Variants in PGAP1 observed in about 807,000 individuals in gnomAD.
PGAP1 encodes GPI inositol-deacylase.
Under a neutral mutation model 127.0 loss-of-function variants are expected in PGAP1, and 76 were observed. The observed-to-expected ratio is 0.60, with a 90% CI of 0.50 to 0.72. The LOEUF (loss-of-function observed/expected upper bound fraction) is 0.72, where lower values mean the gene tolerates loss of function less well. Among genes scored for constraint, PGAP1 ranks in the 30% least tolerant of loss-of-function variants. The pLI is 0.00. For missense variants in PGAP1, 982 were observed against 1,071.3 expected (o/e 0.92, Z 1.16); for synonymous variants, 362 against 366.5 (o/e 0.99, Z 0.14).
intron 14 of PGAP1, among the ~76,000 whole-genome samples, chr2:196,875,022 G>A (rs555881108): frequency 3.3e-5 from 5 of 151,972 alleles, no homozygotes; most frequent in Admixed American, 6.6e-5. Context: ...TTCCCCACTC[G>A]CCCCACAAAA....
At chr2:196,876,608 T>A (rs1701578084) in intron 13 of PGAP1, among the ~76,000 whole-genome samples, 1 of 152,140 alleles carries the variant, frequency 6.6e-6, no homozygotes, top group Non-Finnish European at 1.5e-5. Flanking sequence ...CATATTATTT[T>A]GATCTACGGA....
chr2:196,892,095 C>A (rs571566164), intron 9 of PGAP1, among the ~76,000 whole-genome samples: 86 of 151,848 alleles, frequency 5.7e-4, no homozygotes, highest in Non-Finnish European at 9.9e-4. Context: ...AGGAATAAGA[C>A]ATTAATCAAT....
In PGAP1 at chr2:196,926,530, G is replaced by A. The variant is rs1703366538; in HGVS notation, c.87C>T (p.Phe29=). The part of the protein sequence containing the change: ...FLATLGLWDV[F]FGFEENKCSM... ...TGCACTTATTCTCCTCGAAGCCGAA[G>A]AAGACATCCCACAGCCCCAGGGTTG... The change falls in exon 1 of 27, where the codon TTC becomes TTT. Residue 29 remains phenylalanine, a synonymous_variant. Transcript: ENST00000354764. The A allele has an allele frequency of 1.2e-6, 2 of 1,613,572 alleles. No individual in the cohort carries two copies. The highest frequency in any genetic ancestry group is 1.7e-6 in the Non-Finnish European group (2 of 1,179,740).
chr2:196,851,179 T>TA (rs1160329830), intron 20 of PGAP1, among the ~76,000 whole-genome samples: 2 of 150,410 alleles, frequency 1.3e-5, no homozygotes, highest in African/African-American at 2.4e-5. Context: ...AACAAAAAAA[T>TA]AAAAAAACCC....
chr2:196,884,761 A>C (rs1329608147), intron 12 of PGAP1, among the ~76,000 whole-genome samples: 2 of 152,216 alleles, frequency 1.3e-5, no homozygotes, highest in Non-Finnish European at 2.9e-5. Flanking sequence ...AAAACTATCA[A>C]TCCGGATAAA....
chr2:196,894,661 G>C (rs1167869707), intron 7 of PGAP1, among the ~76,000 whole-genome samples: 1 of 152,124 alleles, frequency 6.6e-6, no homozygotes, highest in Non-Finnish European at 1.5e-5. Flanking sequence ...AATTAGCCGG[G>C]TATGGTGGTG....
intron 1 of PGAP1, among the ~76,000 whole-genome samples, chr2:196,921,614 T>G (rs1352200986): frequency 6.6e-6 from 1 of 152,018 alleles, no homozygotes; most frequent in Non-Finnish European, 1.5e-5. Flanking sequence ...GAAAATTAAC[T>G]CAGAAGAACA....
chr2:196,876,190 A>C (rs1362656297), intron 13 of PGAP1, among the ~76,000 whole-genome samples: 1 of 152,136 alleles, frequency 6.6e-6, no homozygotes, highest in Non-Finnish European at 1.5e-5. Context: ...TTTAGATACT[A>C]TGTCTCTTAA....
At chr2:196,914,044 G>A (rs928755270) in intron 3 of PGAP1, among the ~76,000 whole-genome samples, 1 of 152,096 alleles carries the variant, frequency 6.6e-6, no homozygotes, top group African/African-American at 2.4e-5. Flanking sequence ...GCTGGTATAG[G>A]AATTAAGTGG....
At chr2:196,887,488 T>C (rs988770565) in intron 10 of PGAP1, among the ~76,000 whole-genome samples, 7 of 152,246 alleles carry the variant, frequency 4.6e-5, no homozygotes, top group Non-Finnish European at 7.3e-5. Context: ...TTCTGAGATA[T>C]GATTATCTAA....
At chr2:196,847,295 A>C (rs1700584995) in intron 21 of PGAP1, 95 bp from the exon 22 acceptor site, 1 of 864,610 alleles carries the variant, frequency 1.2e-6, no homozygotes, top group Non-Finnish European at 1.8e-6. Context: ...AGAGTCTCTA[A>C]AGTTCCATGA....
chr2:196,868,494 T>G (rs1315283365), intron 19 of PGAP1, among the ~76,000 whole-genome samples: 2 of 152,244 alleles, frequency 1.3e-5, no homozygotes, highest in African/African-American at 4.8e-5. Context: ...TAGTGCAGTA[T>G]TTCTTTAAAT....
rs7559167 is a variant in PGAP1, at chr2:196,848,141, T to C, written c.1862-104A>G. ...GCAACATATTTTATGTCAGAGAAAG[T>C]AAGGGTCTTCATTACTATCACAGAG... is the stretch of plus-strand genomic sequence containing the variant. On this transcript the variant is annotated intron_variant, in intron 20 of 26. Transcript: ENST00000354764. The C allele has an allele frequency of 0.091, 57,946 of 636,686 alleles. 3,481 individuals carry two copies. The highest frequency in any genetic ancestry group is 0.24 in the African/African-American group (12,354 of 52,386). 39.4% of individuals were successfully genotyped at this position (636,686 alleles called of 1,614,324 possible).
At position 196,873,545 on chromosome 2, in the gene PGAP1, T is replaced by G. The variant is rs1701469763; in HGVS notation, c.1535A>C (p.Lys512Thr). 1 of 1,610,436 alleles carries G rather than the reference T, an allele frequency of 6.2e-7. No individual in the cohort carries two copies. Among genetic ancestry groups the G allele is most frequent in the African/African-American group, 1.3e-5 (1 of 74,946 alleles). ...ATATTTACCTTTGACTGCTGAGCAC[T>G]TGCTTACCACGTTGATTTTAAAAGC... ...YQAFKINVVS[K>T]CSAVKEEITS... The change falls in exon 16 of 27, where the codon AAG (lysine) becomes ACG (threonine). Residue 512 changes from lysine to threonine, a missense_variant. By Grantham distance (78) the Lys-to-Thr change is moderately conservative. Transcript: ENST00000354764.
At chr2:196,870,030 T>G (rs1701364534) in intron 19 of PGAP1, among the ~76,000 whole-genome samples, 1 of 152,204 alleles carries the variant, frequency 6.6e-6, no homozygotes, top group Non-Finnish European at 1.5e-5. Flanking sequence ...ATCTTATTTA[T>G]GTCCAGGTTG....
intron 10 of PGAP1, among the ~76,000 whole-genome samples, chr2:196,889,285 G>A (rs1702020872): frequency 6.6e-6 from 1 of 151,932 alleles, no homozygotes; most frequent in Non-Finnish European, 1.5e-5. Flanking sequence ...TAGGCTGAGA[G>A]ATGCAAGTCT....
chr2:196,905,755 G>A (rs1010092152), intron 4 of PGAP1, among the ~76,000 whole-genome samples: 12 of 146,508 alleles, frequency 8.2e-5, no homozygotes, highest in Admixed American at 2.0e-4. Flanking sequence ...CACCGTGCGC[G>A]AGCCGAAGCA....
chr2:196,913,245 C>T (rs946241841), intron 3 of PGAP1, among the ~76,000 whole-genome samples, 192 bp from the exon 4 acceptor site: 2 of 152,094 alleles, frequency 1.3e-5, no homozygotes, highest in South Asian at 4.1e-4. Context: ...TTGTGTTCTG[C>T]CAAACATTTT....
intron 20 of PGAP1, among the ~76,000 whole-genome samples, chr2:196,862,149 C>T (rs1701088198): frequency 6.6e-6 from 1 of 152,032 alleles, no homozygotes; most frequent in South Asian, 2.1e-4. Flanking sequence ...AGAAATATCA[C>T]TGAATTCTTT....
Sources: allele counts gnomAD v4.1 joint callset (sites outside exome capture counted in the v4.1 genomes callset), GRCh38; gene constraint gnomAD v4.1.1; transcripts MANE v1.5; gene names NCBI Gene and HGNC (gene_info 2026-07-23, HGNC 2026-07-21).